Variants in MAP4 observed in about 807,000 individuals in gnomAD.
MAP4 encodes microtubule associated protein 4, also known as microtubule-associated protein 4.
In MAP4, 76 loss-of-function variants were observed where a neutral mutation model predicts 170.2. That is an observed-to-expected ratio of 0.45 (90% CI 0.37 to 0.54). The LOEUF (loss-of-function observed/expected upper bound fraction) is 0.54, where lower values mean the gene tolerates loss of function less well. MAP4 is among the 20% of genes least tolerant of loss of function. The probability of loss-of-function intolerance (pLI) is 0.00; values close to 1 mark genes in which losing one functional copy is unlikely to be tolerated. For synonymous variants in MAP4, 909 were observed against 994.5 expected, an observed-to-expected ratio of 0.91 and a Z score of 1.62; for missense variants, 2,506 against 2,748.0, an observed-to-expected ratio of 0.91 and a Z score of 1.97.
intron 1 of MAP4, among the ~76,000 whole-genome samples, chr3:48,011,860 A>G (rs1345350823): frequency 2.6e-5 from 4 of 152,074 alleles, no homozygotes; most frequent in South Asian, 2.1e-4. Context: ...ATCCTTTGGG[A>G]GCTGTTATGA....
chr3:47,881,004 ACTTCTC>A (rs2096622226), intron 10 of MAP4, among the ~76,000 whole-genome samples: 1 of 152,112 alleles, frequency 6.6e-6, no homozygotes, highest in African/African-American at 2.4e-5. Flanking sequence ...GACTTTGTGT[ACTTCTC>A]CTTTTAGCTC....
intron 1 of MAP4, among the ~76,000 whole-genome samples, chr3:48,008,736 G>A (rs2100103737): frequency 6.6e-6 from 1 of 152,172 alleles, no homozygotes; most frequent in South Asian, 2.1e-4. Flanking sequence ...ACACCACTCA[G>A]CCTCTTTCCC....
intron 1 of MAP4, among the ~76,000 whole-genome samples, chr3:48,061,080 C>G (rs567550322): frequency 6.6e-6 from 1 of 151,984 alleles, no homozygotes; most frequent in Non-Finnish European, 1.5e-5. Flanking sequence ...CTCCTGACCT[C>G]GTAATCCACC....
At chr3:48,003,854 C>A (rs967369171) in intron 1 of MAP4, among the ~76,000 whole-genome samples, 2 of 152,040 alleles carry the variant, frequency 1.3e-5, no homozygotes, top group African/African-American at 4.8e-5. Flanking sequence ...CAGCCACCAG[C>A]GAACATAAAG....
chr3:47,954,124 G>A (rs1366599499), intron 3 of MAP4, among the ~76,000 whole-genome samples: 5 of 152,050 alleles, frequency 3.3e-5, no homozygotes, highest in Admixed American at 1.3e-4. Flanking sequence ...GTGTGTCCCT[G>A]TTCCCCTAGA....
Position 47,910,672 on chromosome 3 carries a change from G to A in MAP4, c.3749C>T (p.Thr1250Ile), listed in dbSNP as rs746099244. The A allele has an allele frequency of 1.7e-5, 26 of 1,535,878 alleles. No individual in the cohort carries two copies. The highest frequency in any genetic ancestry group is 1.7e-4 in the Middle Eastern group (1 of 6,012). Residue 1250 changes from threonine (T) to isoleucine (I), a missense_variant, in exon 9 of 21, where the codon ACT (threonine) becomes ATT (isoleucine). Around this residue, in one of 3 missense-constraint regions of MAP4, gnomAD observed 2,008 missense variants for 2,206.0 expected, o/e 0.91. Transcript: ENST00000683076. ...CTTGCTTTTATGGGGAATACTACCA[G>A]TATCTCCATCCTTCCCTTCAAAAGG... Reference protein sequence around the residue: ...NPPFEGKDGDTGSIPHKSKEI... With the variant: ...NPPFEGKDGDIGSIPHKSKEI...
chr3:47,887,155 G>C (rs1054178205), intron 10 of MAP4, among the ~76,000 whole-genome samples: 4 of 152,226 alleles, frequency 2.6e-5, no homozygotes, highest in African/African-American at 9.6e-5. Flanking sequence ...CCCCCTTTCT[G>C]GGCTGGCCAA....
intron 8 of MAP4, among the ~76,000 whole-genome samples, chr3:47,913,807 G>A (rs1186104483): frequency 6.6e-6 from 1 of 152,122 alleles, no homozygotes; most frequent in Non-Finnish European, 1.5e-5. Context: ...CCATATGTCA[G>A]GATGTCCACA....
At chr3:47,937,476 T>G (rs1167094529) in intron 3 of MAP4, among the ~76,000 whole-genome samples, 2 of 152,144 alleles carry the variant, frequency 1.3e-5, no homozygotes, top group Non-Finnish European at 2.9e-5. Flanking sequence ...TTAATATATT[T>G]GTCTTAGTTC....
chr3:47,947,380 T>C (rs1468709252), intron 3 of MAP4, among the ~76,000 whole-genome samples: 2 of 152,168 alleles, frequency 1.3e-5, no homozygotes, highest in Non-Finnish European at 2.9e-5. Flanking sequence ...TTCAGCCAGG[T>C]AGGGATTTTG....
At chr3:47,893,791 C>T (rs1182376223) in intron 10 of MAP4, among the ~76,000 whole-genome samples, 1 of 150,552 alleles carries the variant, frequency 6.6e-6, no homozygotes, top group Non-Finnish European at 1.5e-5. Flanking sequence ...AGGCCATTTG[C>T]CATAAACTGC....
intron 3 of MAP4, among the ~76,000 whole-genome samples, chr3:47,944,890 G>A (rs1320523974): frequency 6.7e-6 from 1 of 149,304 alleles, no homozygotes; most frequent in Non-Finnish European, 1.5e-5. Context: ...TGGATATTTG[G>A]TACTAGGGAA....
At chr3:47,860,434 C>A (rs936026884) in intron 17 of MAP4, among the ~76,000 whole-genome samples, 21 of 152,350 alleles carry the variant, frequency 1.4e-4, no homozygotes, top group African/African-American at 4.8e-4. Flanking sequence ...GCTGAAGCAA[C>A]CCACTTGCCT....
intron 3 of MAP4, among the ~76,000 whole-genome samples, chr3:47,931,656 A>ATTTT (rs35456237): frequency 5.3e-5 from 7 of 131,394 alleles, no homozygotes; most frequent in African/African-American, 8.4e-5. Flanking sequence ...TTTAAACAAA[A>ATTTT]TTTTTTTTTT....
At chr3:47,970,433 T>C (rs534678624) in intron 3 of MAP4, among the ~76,000 whole-genome samples, 2 of 152,078 alleles carry the variant, frequency 1.3e-5, no homozygotes, top group South Asian at 2.1e-4. Flanking sequence ...TGTGGTGAGC[T>C]GAGATTGTGC....
chr3:48,026,697 T>A (rs1485193364), intron 1 of MAP4, among the ~76,000 whole-genome samples: 1 of 152,222 alleles, frequency 6.6e-6, no homozygotes, highest in Non-Finnish European at 1.5e-5. Flanking sequence ...GATTTCATTT[T>A]TGCTGTTACA....
At chr3:48,076,167 G>GC in intron 1 of MAP4, among the ~76,000 whole-genome samples, 2 of 151,914 alleles carry the variant, frequency 1.3e-5, no homozygotes, top group Middle Eastern at 6.8e-3. Context: ...GATCACTTGA[G>GC]CCCAGGAGTT....
chr3:47,877,319 G>GA (rs1559865737), intron 11 of MAP4, 98 bp downstream of exon 11: 1 of 952,880 alleles, frequency 1.0e-6, no homozygotes, highest in Non-Finnish European at 1.7e-6. Context: ...TAACAGCTCA[G>GA]AAAAAAGAAA....
At chr3:47,945,356 A>G (rs1379176940) in intron 3 of MAP4, among the ~76,000 whole-genome samples, 2 of 152,186 alleles carry the variant, frequency 1.3e-5, no homozygotes, top group South Asian at 2.1e-4. Context: ...AACATGTAGC[A>G]TAGGTTCTCA....
Sources: gnomAD v4.1 joint callset for allele counts (sites outside exome capture counted in the v4.1 genomes callset) on GRCh38, gnomAD v4.1.1 for gene constraint, gnomAD v4.1.1 regional missense constraint, MANE v1.5 for transcripts, NCBI Gene and HGNC (gene_info 2026-07-23, HGNC 2026-07-21) for gene names.